Variants in NHSL1 observed in about 807,000 individuals in gnomAD.
The protein encoded by NHSL1 is NHS-like protein 1.
Under a neutral mutation model 95.0 loss-of-function variants are expected in NHSL1, and 48 were observed. The ratio of observed to expected loss-of-function variants is 0.51; its 90% CI spans 0.40 to 0.64. NHSL1 has a LOEUF of 0.64. NHSL1 is among the 30% of genes least tolerant of loss of function. The pLI, the probability that NHSL1 is intolerant of heterozygous loss-of-function variation, is 0.00. For synonymous variants in NHSL1, 783 were observed against 833.9 expected, an observed-to-expected ratio of 0.94 and a Z score of 1.05; for missense variants, 1,971 against 2,077.7, an observed-to-expected ratio of 0.95 and a Z score of 1.00.
At chr6:138,545,846 C>T, upstream of NHSL1, 2 of 1,132,476 alleles carry the variant, frequency 1.8e-6, no homozygotes, top group Non-Finnish European at 2.2e-6. Flanking sequence ...TGGGTTATTT[C>T]ACACCATGGA....
chr6:138,650,915 A>T, intron 1 of NHSL1: 1 of 539,728 alleles, frequency 1.9e-6, no homozygotes, highest in Non-Finnish European at 3.8e-6. Flanking sequence ...ATCCACTTGC[A>T]CAATGTATTT....
Position 138,663,327 on chromosome 6 carries a change from G to A in NHSL1, c.96+29149C>T, listed in dbSNP as rs185043535. Among the ~76,000 whole-genome samples the A allele has an allele frequency of 1.9e-3, 293 of 152,156 alleles. 3 individuals are homozygous for A. The highest frequency in any genetic ancestry group is 0.014 in the East Asian group (75 of 5,174). On this transcript the variant is annotated intron_variant, in intron 1 of 3. Coordinates refer to the NHSL1 transcript ENST00000491526. ...TGTCATCCCAGCACTTTGGGAGGCC[G>A]AGGCAGGCAGATCACCTTAGATCGG...
At chr6:138,465,237 C>T (rs1469480371) in intron 3 of NHSL1, among the ~76,000 whole-genome samples, 2 of 152,070 alleles carry the variant, frequency 1.3e-5, no homozygotes, top group African/African-American at 4.8e-5. Context: ...TCCAGTCCTG[C>T]AAGCTCACAG....
At chr6:138,666,590 CAAAAAAAAAAAA>C (rs10564684) in intron 1 of NHSL1, among the ~76,000 whole-genome samples, 3 of 89,296 alleles carry the variant, frequency 3.4e-5, no homozygotes, top group East Asian at 3.2e-4. Context: ...GCCTCCATCT[CAAAAAAAAAAAA>C]AAAAAAAAAG....
chr6:138,516,417 A>G (rs905043077), intron 1 of NHSL1, among the ~76,000 whole-genome samples: 2 of 152,108 alleles, frequency 1.3e-5, no homozygotes, highest in African/African-American at 4.8e-5. Flanking sequence ...TCTGCTTACA[A>G]TGTTGTCTGC....
intron 1 of NHSL1, among the ~76,000 whole-genome samples, chr6:138,539,706 A>C (rs1310434775): frequency 2.6e-5 from 4 of 152,252 alleles, no homozygotes; most frequent in Non-Finnish European, 5.9e-5. Context: ...CAGTAATTCA[A>C]GTCATTTGAT....
At chr6:138,470,337 T>C (rs907595738) in intron 3 of NHSL1, among the ~76,000 whole-genome samples, 16 of 152,248 alleles carry the variant, frequency 1.1e-4, no homozygotes, top group Non-Finnish European at 1.3e-4. Context: ...TTGCCCAGGC[T>C]GGAGTGCAGT....
At chr6:138,495,213 A>C (rs1780278714) in intron 2 of NHSL1, among the ~76,000 whole-genome samples, 1 of 152,232 alleles carries the variant, frequency 6.6e-6, no homozygotes, top group Non-Finnish European at 1.5e-5. Context: ...ACTGCACTCC[A>C]GCCTGGGTGA....
chr6:138,595,942 G>A (rs1784297860), intron 1 of NHSL1, among the ~76,000 whole-genome samples: 1 of 152,098 alleles, frequency 6.6e-6, no homozygotes, highest in African/African-American at 2.4e-5. Flanking sequence ...TAGCATGGTG[G>A]TGTTTCTGGG....
intron 2 of NHSL1, among the ~76,000 whole-genome samples, chr6:138,484,196 C>T (rs997289110): frequency 1.3e-5 from 2 of 152,122 alleles, no homozygotes; most frequent in African/African-American, 4.8e-5. Context: ...GGGCAACTCC[C>T]CAAAGCTTTC....
chr6:138,556,843 A>C (rs750148140), intron 1 of NHSL1, among the ~76,000 whole-genome samples: 11 of 152,138 alleles, frequency 7.2e-5, no homozygotes, highest in Non-Finnish European at 1.2e-4. Context: ...GACTTTTTAA[A>C]TATAGAGGAT....
intron 1 of NHSL1, among the ~76,000 whole-genome samples, chr6:138,529,447 G>A (rs773790596): frequency 1.3e-5 from 2 of 152,172 alleles, no homozygotes; most frequent in African/African-American, 2.4e-5. Context: ...GCCATGTTAT[G>A]ATGAGTGCTG....
intron 1 of NHSL1, among the ~76,000 whole-genome samples, chr6:138,647,247 T>C (rs1383754008): frequency 6.6e-6 from 1 of 152,204 alleles, no homozygotes; most frequent in Non-Finnish European, 1.5e-5. Flanking sequence ...AATATTCAAC[T>C]GGAGGCATCA....
intron 3 of NHSL1, among the ~76,000 whole-genome samples, chr6:138,448,876 A>C (rs1777038886): frequency 6.6e-6 from 1 of 152,084 alleles, no homozygotes; most frequent in Admixed American, 6.5e-5. Context: ...AACACAGAGA[A>C]AACCTGTCTC....
At chr6:138,529,422 T>G (rs1180759079) in intron 1 of NHSL1, among the ~76,000 whole-genome samples, 5 of 152,244 alleles carry the variant, frequency 3.3e-5, no homozygotes, top group Non-Finnish European at 5.9e-5. Context: ...ATTCTCAATG[T>G]TGCCTCGGAT....
chr6:138,558,128 G>A (rs1583407739), intron 1 of NHSL1, among the ~76,000 whole-genome samples: 1 of 151,892 alleles, frequency 6.6e-6, no homozygotes, highest in Admixed American at 6.6e-5. Context: ...GTTTTTTGGG[G>A]GGCTTTTTTT....
Position 138,429,700 on chromosome 6 carries a change from G to T in NHSL1, c.4085+11C>A, listed in dbSNP as rs1775498521. Reference sequence around the variant, plus strand: ...CAGTAGATTAAAGTCAGAGGAAGGAGTTTGAAATACCTGTGAATAGCTGCA... The same window carrying T: ...CAGTAGATTAAAGTCAGAGGAAGGATTTTGAAATACCTGTGAATAGCTGCA... On this transcript the variant is annotated intron_variant, in intron 7 of 7. Coordinates refer to ENST00000343505, the MANE Select transcript of NHSL1 (RefSeq NM_001144060.2). The T allele has an allele frequency of 6.5e-7, 1 of 1,545,570 alleles. No individual in the cohort carries two copies. The highest frequency in any genetic ancestry group is 1.4e-5 in the African/African-American group (1 of 72,716).
chr6:138,443,745 G>A (rs568100223), intron 4 of NHSL1, among the ~76,000 whole-genome samples: 3 of 152,200 alleles, frequency 2.0e-5, no homozygotes, highest in Non-Finnish European at 4.4e-5. Flanking sequence ...TGGAAGGATC[G>A]CTTGAGCCTG....
chr6:138,582,424 C>T (rs967633066), intron 1 of NHSL1, among the ~76,000 whole-genome samples: 5 of 151,736 alleles, frequency 3.3e-5, no homozygotes, highest in African/African-American at 1.2e-4. Context: ...AAAAAAACTT[C>T]GAAAAATTTT....
Sources: allele counts gnomAD v4.1 joint callset (sites outside exome capture counted in the v4.1 genomes callset), GRCh38; gene constraint gnomAD v4.1.1; transcripts MANE v1.5; gene names NCBI Gene and HGNC (gene_info 2026-07-23, HGNC 2026-07-21).